The following L3MBTL4 variants were observed in gnomAD, a reference collection of about 807,000 sequenced individuals.
The protein encoded by L3MBTL4 is L3MBTL histone methyl-lysine binding protein 4.
In L3MBTL4, 70 loss-of-function variants were observed where a neutral mutation model predicts 84.5. The observed-to-expected ratio is 0.83, with a 90% CI of 0.68 to 1.01. The LOEUF is 1.01. L3MBTL4 is among the 50% of genes least tolerant of loss of function. The pLI, the probability that L3MBTL4 is intolerant of heterozygous loss-of-function variation, is 0.00. For missense variants in L3MBTL4, 715 were observed against 754.8 expected, an observed-to-expected ratio of 0.95 and a Z score of 0.62; for synonymous variants, 274 against 259.8, an observed-to-expected ratio of 1.05 and a Z score of -0.52.
chr18:6,241,893 A>T (rs1003150430), intron 7 of L3MBTL4, among the ~76,000 whole-genome samples: 1 of 152,154 alleles, frequency 6.6e-6, no homozygotes, highest in African/African-American at 2.4e-5. Flanking sequence ...TACAGAGACC[A>T]TCAGAGGTCC....
intron 13 of L3MBTL4, among the ~76,000 whole-genome samples, chr18:6,140,365 G>C (rs549697369): frequency 6.6e-6 from 1 of 152,338 alleles, no homozygotes; most frequent in South Asian, 2.1e-4. Flanking sequence ...TGGCGCGAAG[G>C]TGGGAAAGAG....
chr18:6,229,758 TC>T (rs1359830396), intron 10 of L3MBTL4, among the ~76,000 whole-genome samples: 2 of 152,140 alleles, frequency 1.3e-5, no homozygotes, highest in African/African-American at 4.8e-5. Context: ...TAGTCTTGGC[TC>T]CCTTGTTGAA....
chr18:6,247,465 G>GA (rs1888167965), intron 5 of L3MBTL4, among the ~76,000 whole-genome samples: 1 of 84,858 alleles, frequency 1.2e-5, no homozygotes, highest in African/African-American at 6.9e-5. Flanking sequence ...CCCCTCCTCT[G>GA]ATTTTTTTTT....
At chr18:6,215,497 T>C (rs895022943) in intron 11 of L3MBTL4, among the ~76,000 whole-genome samples, 3 of 152,312 alleles carry the variant, frequency 2.0e-5, no homozygotes, top group Middle Eastern at 3.4e-3. Context: ...CAGCAGTTGA[T>C]GAGGTGTTTT....
chr18:5,996,003 A>G (rs2053946752), intron 16 of L3MBTL4, among the ~76,000 whole-genome samples: 7 of 152,224 alleles, frequency 4.6e-5, no homozygotes, highest in Admixed American at 4.6e-4. Context: ...GTGTGGCTGC[A>G]GTATTGATAA....
intron 13 of L3MBTL4, among the ~76,000 whole-genome samples, chr18:6,152,546 GA>G (rs555295862): frequency 1.8e-3 from 280 of 151,716 alleles, no homozygotes; most frequent in Non-Finnish European, 3.1e-3. Context: ...GGCTTCTTCA[GA>G]AAAAAAAGTC....
At chr18:6,403,160 C>T (rs570799024) in intron 1 of L3MBTL4, among the ~76,000 whole-genome samples, 34 of 152,304 alleles carry the variant, frequency 2.2e-4, no homozygotes, top group East Asian at 1.9e-4. Context: ...GACATTTATG[C>T]GTATGAAAAA....
intron 16 of L3MBTL4, among the ~76,000 whole-genome samples, chr18:5,971,655 A>C (rs1298917624): frequency 1.3e-5 from 2 of 152,206 alleles, no homozygotes; most frequent in Non-Finnish European, 2.9e-5. Context: ...AAAAACCGGA[A>C]AGCTGTGTGC....
chr18:5,987,920 A>T (rs1016821288), intron 16 of L3MBTL4, among the ~76,000 whole-genome samples: 1 of 152,198 alleles, frequency 6.6e-6, no homozygotes, highest in Non-Finnish European at 1.5e-5. Context: ...AAAATTTTGC[A>T]TTAGTTGTAT....
At chr18:6,092,782 A>G (rs1258331940) in intron 15 of L3MBTL4, among the ~76,000 whole-genome samples, 5 of 152,262 alleles carry the variant, frequency 3.3e-5, no homozygotes, top group Non-Finnish European at 7.3e-5. Flanking sequence ...GCAGCTCCTT[A>G]GAATATAGTT....
chr18:6,200,620 T>C (rs1377494286), intron 12 of L3MBTL4, among the ~76,000 whole-genome samples: 1 of 152,220 alleles, frequency 6.6e-6, no homozygotes, highest in Admixed American at 6.5e-5. Context: ...GGCCTCATAA[T>C]GGGCTATGCT....
At chr18:6,005,022 T>TTTTTTTTC (rs1239315866) in intron 16 of L3MBTL4, among the ~76,000 whole-genome samples, 2 of 139,644 alleles carry the variant, frequency 1.4e-5, no homozygotes, top group Middle Eastern at 3.2e-3. Flanking sequence ...TTTTTTTTTT[T>TTTTTTTTC]TTTTTACTTT....
intron 4 of L3MBTL4, among the ~76,000 whole-genome samples, chr18:6,297,505 T>C (rs192271462): frequency 6.6e-6 from 1 of 152,322 alleles, no homozygotes; most frequent in Non-Finnish European, 1.5e-5. Flanking sequence ...TTCTACACTA[T>C]ATTTGCCACT....
chr18:6,347,166 G>T (rs1599727911), intron 1 of L3MBTL4, among the ~76,000 whole-genome samples: 1 of 152,018 alleles, frequency 6.6e-6, no homozygotes, highest in East Asian at 1.9e-4. Flanking sequence ...GCCGGGAGCT[G>T]AGGAAAGGGG....
intron 1 of L3MBTL4, among the ~76,000 whole-genome samples, chr18:6,336,558 T>C (rs1411499194): frequency 6.6e-6 from 1 of 152,144 alleles, no homozygotes; most frequent in Non-Finnish European, 1.5e-5. Flanking sequence ...ACAACAGAAT[T>C]CTCAGTAAAT....
intron 14 of L3MBTL4, among the ~76,000 whole-genome samples, chr18:6,109,604 T>G (rs2059126136): frequency 6.6e-6 from 1 of 152,142 alleles, no homozygotes; most frequent in East Asian, 1.9e-4. Context: ...GAGAATCTGC[T>G]GAACATTGTG....
At chr18:6,299,839 T>C (rs2050258096) in intron 4 of L3MBTL4, among the ~76,000 whole-genome samples, 1 of 152,044 alleles carries the variant, frequency 6.6e-6, no homozygotes, top group Non-Finnish European at 1.5e-5. Context: ...CCGGCTATTT[T>C]TTTTGTATTT....
chr18:6,290,222 C>T (rs1283133541), intron 4 of L3MBTL4, among the ~76,000 whole-genome samples: 1 of 152,016 alleles, frequency 6.6e-6, no homozygotes, highest in Non-Finnish European at 1.5e-5. Flanking sequence ...AGCCTACTTC[C>T]AGGTTACCTA....
At chr18:6,116,747 C>T (rs2059372065) in intron 14 of L3MBTL4, among the ~76,000 whole-genome samples, 1 of 151,966 alleles carries the variant, frequency 6.6e-6, no homozygotes, top group Admixed American at 6.6e-5. Context: ...GAATATATCC[C>T]AAATAAAAAG....
Sources: gnomAD v4.1 joint callset for allele counts (sites outside exome capture counted in the v4.1 genomes callset) on GRCh38, gnomAD v4.1.1 for gene constraint, MANE v1.5 for transcripts, NCBI Gene and HGNC (gene_info 2026-07-23, HGNC 2026-07-21) for gene names.